DAGLB: variants seen among roughly 807,000 people sequenced by gnomAD.
DAGLB encodes diacylglycerol lipase beta, also known as diacylglycerol lipase-beta.
DAGLB carries 66 observed loss-of-function variants against 72.1 expected under a neutral mutation model. The observed-to-expected ratio is 0.92, with a 90% confidence interval of 0.75 to 1.12. DAGLB has a LOEUF of 1.12. Ranked by LOEUF, DAGLB falls within the 50% of genes most tolerant of loss-of-function variation. The probability of loss-of-function intolerance (pLI) is 0.00; values close to 1 mark genes in which losing one functional copy is unlikely to be tolerated. For missense variants in DAGLB, 1,065 were observed against 884.9 expected (o/e 1.20, Z -2.58); for synonymous variants, 414 against 359.5 (o/e 1.15, Z -1.71).
At position 6,409,712 on chromosome 7, in the gene DAGLB, T is replaced by C; in HGVS notation, c.*125A>G. 1 of 1,103,178 alleles carries C rather than the reference T, an allele frequency of 9.1e-7. No individual in the cohort carries two copies. The highest frequency in any genetic ancestry group is 1.3e-6 in the Non-Finnish European group (1 of 781,358). 68.3% of individuals were successfully genotyped at this position (1,103,178 alleles called of 1,614,324 possible). ...AGTCATTGAGACCATGGAATTCTGT[T>C]CCCATCCGATTCCTGTTGATGGACA... On this transcript the variant is annotated 3_prime_UTR_variant, in exon 15 of 15. Transcript: ENST00000297056.
In DAGLB at chr7:6,412,982, T is replaced by C; in HGVS notation, c.1480A>G (p.Lys494Glu). 6.2e-7 allele frequency: 1 copy of C among 1,613,868 alleles called. No individual in the cohort carries two copies. Among genetic ancestry groups the C allele is most frequent in the African/African-American group, 1.3e-5 (1 of 74,984 alleles). The change falls in exon 12 of 15, where the codon AAG becomes GAG. Residue 494 changes from lysine to glutamate, a missense_variant. Transcript: ENST00000297056. Reference sequence around the variant, plus strand: ...TGGGCTTACCTGGGAATCACATCCTTCCCCAGGACGAGTGACACGATGAAG... The same window carrying C: ...TGGGCTTACCTGGGAATCACATCCTCCCCCAGGACGAGTGACACGATGAAG... The part of the protein sequence containing the change: ...QSFIVSLVLG[K>E]DVIPRLSVTN...
chr7:6,437,567 G>T (rs2115287631), intron 2 of DAGLB, among the ~76,000 whole-genome samples: 1 of 152,240 alleles, frequency 6.6e-6, no homozygotes, highest in East Asian at 1.9e-4. Context: ...TGGTAGCTAG[G>T]ACTACAGGTG....
At chr7:6,431,633 A>G (rs1334802272) in intron 5 of DAGLB, among the ~76,000 whole-genome samples, 1 of 151,992 alleles carries the variant, frequency 6.6e-6, no homozygotes, top group African/African-American at 2.4e-5. Context: ...TTAGCTGGGC[A>G]TGGTGGTGCA....
At chr7:6,432,677 A>AAAT (rs1784522108) in intron 5 of DAGLB, among the ~76,000 whole-genome samples, 160 bp downstream of exon 5, 1 of 60,798 alleles carries the variant, frequency 1.6e-5, no homozygotes, top group African/African-American at 5.6e-5. Context: ...AAAAAAAAAA[A>AAAT]GGTGGGAGAG....
rs774492309 is a variant in DAGLB, at chr7:6,416,621, G to GCTCA, written c.1427+2_1427+5dup. ...AAGCTGTTAGAGCAGGAAAACAAAG[G>GCTCA]CTCACCTCCACAGCCCCCGGGGTGG... On this transcript the variant is annotated splice_donor_region_variant and intron_variant, in intron 11 of 14. Coordinates refer to ENST00000297056, the MANE Select transcript of DAGLB (RefSeq NM_139179.4). 24 of 1,592,542 alleles carry GCTCA rather than the reference G, an allele frequency of 1.5e-5. No homozygotes were observed. In the African/African-American group the frequency reaches 3.0e-4, roughly 20 times the overall value.
intron 5 of DAGLB, among the ~76,000 whole-genome samples, chr7:6,432,101 A>C (rs1026901237): frequency 1.3e-5 from 2 of 152,252 alleles, no homozygotes; most frequent in African/African-American, 4.8e-5. Flanking sequence ...CTGTAATCCC[A>C]GCACTCTGGG....
At chr7:6,434,478 C>T (rs1306369319) in intron 4 of DAGLB, among the ~76,000 whole-genome samples, 4 of 152,176 alleles carry the variant, frequency 2.6e-5, no homozygotes, top group East Asian at 3.9e-4. Flanking sequence ...GTACAGCGTC[C>T]GTTATGTGGT....
intron 2 of DAGLB, among the ~76,000 whole-genome samples, chr7:6,443,249 T>TA (rs60124255): frequency 0.28 from 21,631 of 77,304 alleles, 4,078 homozygotes; most frequent in Non-Finnish European, 0.41. Flanking sequence ...TTGTCTCTAC[T>TA]AAAAAAAAAA....
chr7:6,418,175 T>A lies in DAGLB; in HGVS notation c.1219-1254A>T, dbSNP rs1248306974. 2.0e-5 allele frequency among the ~76,000 whole-genome samples: 3 copies of A among 152,122 alleles called. No homozygotes were observed. The East Asian group carries it at 5.8e-4, about 30-fold the overall frequency. On this transcript the variant is annotated intron_variant, in intron 9 of 14. Transcript: ENST00000297056. ...TGAGCCACTGTGCCCAGCAAAAATT[T>A]AAAATTTTCTAACATATACATCTGT...
At chr7:6,438,832 A>C (rs892355657) in intron 2 of DAGLB, among the ~76,000 whole-genome samples, 2 of 151,946 alleles carry the variant, frequency 1.3e-5, no homozygotes, top group African/African-American at 2.4e-5. Context: ...ACACAGAGAG[A>C]CCTCATCTCT....
intron 8 of DAGLB, 80 bp downstream of exon 8, chr7:6,424,671 AC>A: frequency 7.4e-7 from 1 of 1,360,080 alleles, no homozygotes; most frequent in Non-Finnish European, 1.0e-6. Flanking sequence ...GCGGTTACTG[AC>A]GGATTTCCCC....
At chr7:6,434,237 G>GA (rs11333519) in intron 4 of DAGLB, among the ~76,000 whole-genome samples, 94 of 148,232 alleles carry the variant, frequency 6.3e-4, no homozygotes, top group Non-Finnish European at 7.4e-4. Flanking sequence ...CGCTGCATGT[G>GA]AAAAAAAAAA....
At chr7:6,430,762 A>G (rs527503525) in intron 5 of DAGLB, among the ~76,000 whole-genome samples, 155 bp from the exon 6 acceptor site, 51 of 152,142 alleles carry the variant, frequency 3.4e-4, no homozygotes, top group African/African-American at 8.4e-4. Flanking sequence ...TGCTCCTTCA[A>G]TAAGGATGAC....
chr7:6,409,752 G>C lies in DAGLB; in HGVS notation c.*85C>G. 1 of 1,452,004 alleles carries C rather than the reference G, an allele frequency of 6.9e-7. No homozygotes were observed. The highest frequency in any genetic ancestry group is 9.3e-7 in the Non-Finnish European group (1 of 1,073,926). 89.9% of individuals were successfully genotyped at this position (1,452,004 alleles called of 1,614,324 possible). ...GTTGATGGACATTCGCTGTTTTGGC[G>C]TCATGGGAACTCCTCGGATGGTAAG... is the stretch of plus-strand genomic sequence containing the variant. On this transcript the variant is annotated 3_prime_UTR_variant, in exon 15 of 15. Coordinates refer to ENST00000297056, the MANE Select transcript of DAGLB (RefSeq NM_139179.4).
At position 6,434,820 on chromosome 7, in the gene DAGLB, T is replaced by C. The variant is rs762447137; in HGVS notation, c.620A>G (p.Asp207Gly). The C allele has an allele frequency of 1.8e-5, 29 of 1,614,168 alleles. No homozygotes were observed. The highest frequency in any genetic ancestry group is 2.5e-5 in the Non-Finnish European group (29 of 1,180,020). ...IKLLCCCIGK[D>G]DHTRVAFSST... Reference sequence around the variant, plus strand: ...CGAAAAAGCAACCCGAGTATGGTCGTCTTTCCCAATGCAACAGCACAAGAG... The same window carrying C: ...CGAAAAAGCAACCCGAGTATGGTCGCCTTTCCCAATGCAACAGCACAAGAG... The change falls in exon 4 of 15, where the codon GAC becomes GGC. Residue 207 changes from aspartate to glycine, a missense_variant. Asp to Gly is a moderately conservative substitution (Grantham distance 94). Coordinates refer to ENST00000297056, the MANE Select transcript of DAGLB (RefSeq NM_139179.4).
chr7:6,421,632 C>G, intron 9 of DAGLB, 95 bp downstream of exon 9: 1 of 1,249,444 alleles, frequency 8.0e-7, no homozygotes, highest in Non-Finnish European at 1.1e-6. Context: ...GCGGGAGGCG[C>G]AGGCAGCGCG....
intron 2 of DAGLB, among the ~76,000 whole-genome samples, chr7:6,443,270 A>G (rs1012189406): frequency 2.9e-5 from 4 of 140,226 alleles, no homozygotes; most frequent in East Asian, 2.0e-4. Context: ...AAAAAAAAAA[A>G]AAAGAAACTG....
At chr7:6,430,667 C>T in intron 5 of DAGLB, 60 bp from the exon 6 acceptor site, 14 of 1,438,050 alleles carry the variant, frequency 9.7e-6, no homozygotes, top group Non-Finnish European at 1.3e-5. Context: ...AGAGGATCAA[C>T]ACACTGAGAC....
chr7:6,446,386 G>A (rs140376861), intron 1 of DAGLB, among the ~76,000 whole-genome samples: 3,304 of 137,152 alleles, frequency 0.024, 58 homozygotes, highest in Middle Eastern at 0.061. Context: ...GCTGAGACAG[G>A]AGAATTGCTT....
Sources: gnomAD v4.1 joint callset for allele counts (sites outside exome capture counted in the v4.1 genomes callset) on GRCh38, gnomAD v4.1.1 for gene constraint, MANE v1.5 for transcripts, NCBI Gene and HGNC (gene_info 2026-07-23, HGNC 2026-07-21) for gene names.